The following SPATC1 variants were observed in gnomAD, a reference collection of about 807,000 sequenced individuals.
SPATC1 encodes the protein speriolin.
SPATC1 carries 35 observed loss-of-function variants against 36.5 expected under a neutral mutation model. The ratio of observed to expected loss-of-function variants is 0.96; its 90% CI spans 0.73 to 1.27. SPATC1 has a LOEUF of 1.27. Among genes scored for constraint, SPATC1 ranks in the 50% most tolerant of loss-of-function variants. SPATC1 has a pLI of 0.00. For synonymous variants in SPATC1, 361 were observed against 353.6 expected (o/e 1.02, Z -0.24); for missense variants, 779 against 796.0 (o/e 0.98, Z 0.26).
intron 1 of SPATC1, among the ~76,000 whole-genome samples, chr8:144,030,939 TTA>T (rs1834780748): frequency 6.6e-6 from 1 of 152,136 alleles, no homozygotes; most frequent in Non-Finnish European, 1.5e-5. Flanking sequence ...TCCTCCCCCT[TTA>T]TGTTATTATT....
chr8:144,026,497 C>G (rs1834680626), intron 1 of SPATC1, among the ~76,000 whole-genome samples: 2 of 152,254 alleles, frequency 1.3e-5, no homozygotes, highest in Admixed American at 1.3e-4. Flanking sequence ...TATGGTAACT[C>G]TATGTTCAAC....
chr8:144,017,010 A>C (rs1288397991), intron 1 of SPATC1, among the ~76,000 whole-genome samples: 1 of 152,118 alleles, frequency 6.6e-6, no homozygotes, highest in African/African-American at 2.4e-5. Flanking sequence ...GCTATGGGGG[A>C]AATGGATTGG....
intron 1 of SPATC1, among the ~76,000 whole-genome samples, chr8:144,026,802 T>C (rs1208697397): frequency 2.7e-5 from 4 of 149,060 alleles, no homozygotes; most frequent in Non-Finnish European, 4.4e-5. Context: ...TTAATTTCTT[T>C]CTTTTTCTTT....
chr8:144,020,049 C>A (rs1834474851), intron 1 of SPATC1, among the ~76,000 whole-genome samples: 1 of 151,928 alleles, frequency 6.6e-6, no homozygotes, highest in Non-Finnish European at 1.5e-5. Flanking sequence ...TCAGGACCTG[C>A]GAACCCCACA....
intron 1 of SPATC1, among the ~76,000 whole-genome samples, chr8:144,031,692 A>G (rs1245827287): frequency 1.7e-5 from 2 of 115,328 alleles, no homozygotes; most frequent in African/African-American, 6.4e-5. Flanking sequence ...TTCTTCAACT[A>G]TTTTTTCTTT....
At chr8:144,029,744 G>A (rs931187462) in intron 1 of SPATC1, among the ~76,000 whole-genome samples, 12 of 152,124 alleles carry the variant, frequency 7.9e-5, no homozygotes, top group Non-Finnish European at 1.5e-4. Context: ...CCTGGAGAAT[G>A]TTTCATGTTC....
intron 1 of SPATC1, among the ~76,000 whole-genome samples, chr8:144,015,568 C>T (rs1834368930): frequency 2.1e-5 from 3 of 145,984 alleles, no homozygotes; most frequent in East Asian, 4.1e-4. Context: ...ATGGTGAAAC[C>T]CCATCTCTAC....
At chr8:144,011,383 T>C (rs1188520960), upstream of SPATC1, among the ~76,000 whole-genome samples, 1 of 152,136 alleles carries the variant, frequency 6.6e-6, no homozygotes, top group African/African-American at 2.4e-5. This position sits in a 1 kb window ranked among gnomAD's most constrained non-coding sequence, Gnocchi z 4.5. Context: ...CCCCCCATTG[T>C]GAGGTCCAGG....
intron 1 of SPATC1, among the ~76,000 whole-genome samples, chr8:144,029,301 G>T (rs1467820380): frequency 6.6e-6 from 1 of 151,350 alleles, no homozygotes; most frequent in Non-Finnish European, 1.5e-5. Context: ...AGGCGCGGTA[G>T]CTCACGCCTG....
intron 1 of SPATC1, among the ~76,000 whole-genome samples, chr8:144,018,759 C>T (rs1441779685): frequency 1.3e-5 from 2 of 151,000 alleles, no homozygotes; most frequent in African/African-American, 2.4e-5. Flanking sequence ...GGGCTGGGCA[C>T]GGTGGCTCAC....
intron 1 of SPATC1, among the ~76,000 whole-genome samples, chr8:144,023,231 C>T (rs1292177936): frequency 1.7e-4 from 17 of 98,346 alleles, no homozygotes; most frequent in African/African-American, 7.0e-4. Flanking sequence ...CAGGACCTAC[C>T]CTCTTCCCTC....
At chr8:144,031,450 CTT>C (rs1176896425) in intron 1 of SPATC1, among the ~76,000 whole-genome samples, 5 of 116,688 alleles carry the variant, frequency 4.3e-5, no homozygotes, top group African/African-American at 6.4e-5. Context: ...ATTTTTTTTT[CTT>C]TTTTTTTTTT....
At chr8:144,034,143 T>G (rs1265859972) in intron 1 of SPATC1, among the ~76,000 whole-genome samples, 1 of 152,228 alleles carries the variant, frequency 6.6e-6, no homozygotes, top group Non-Finnish European at 1.5e-5. Flanking sequence ...GGCCCAGCAT[T>G]GGCCAGGGAA....
chr8:144,028,507 C>T (rs1834729596), intron 1 of SPATC1, among the ~76,000 whole-genome samples: 1 of 152,120 alleles, frequency 6.6e-6, no homozygotes, highest in African/African-American at 2.4e-5. Context: ...AATGAGATAC[C>T]ATCTCACACC....
chr8:144,023,290 A>AC (rs1201036106), intron 1 of SPATC1, among the ~76,000 whole-genome samples: 19 of 660 alleles, frequency 0.029, 9 homozygotes, highest in Non-Finnish European at 0.028. Context: ...CCACCTCAGG[A>AC]CCTCTCTCCT....
intron 1 of SPATC1, among the ~76,000 whole-genome samples, chr8:144,021,266 G>GA: frequency 6.7e-6 from 1 of 148,614 alleles, no homozygotes; most frequent in African/African-American, 2.5e-5. Context: ...CTTCCTTCAG[G>GA]ACCCCCTTCC....
chr8:144,041,398 C>A, intron 4 of SPATC1, 27 bp downstream of exon 4: 1 of 1,600,572 alleles, frequency 6.2e-7, no homozygotes, highest in Admixed American at 1.7e-5. Context: ...CCTGCAGGGA[C>A]AGGGGGCAGG....
intron 1 of SPATC1, among the ~76,000 whole-genome samples, chr8:144,027,990 CA>C (rs1298557036): frequency 2.7e-4 from 38 of 143,132 alleles, no homozygotes; most frequent in African/African-American, 2.3e-4. Flanking sequence ...GAGACTCTAT[CA>C]AAAAAAAAAA....
In SPATC1 at chr8:144,041,049, G is replaced by A. The variant is rs1554755924; in HGVS notation, c.1248G>A (p.Met416Ile). The A allele has an allele frequency of 6.2e-7, 1 of 1,607,038 alleles. No individual in the cohort carries two copies. The highest frequency in any genetic ancestry group is 1.7e-5 in the Admixed American group (1 of 58,994). The change falls in exon 3 of 5, where the codon ATG becomes ATA. Residue 416 changes from methionine (M) to isoleucine (I), a missense_variant. Met to Ile is a conservative substitution (Grantham distance 10). Coordinates refer to ENST00000377470, the MANE Select transcript of SPATC1 (RefSeq NM_198572.3). ...RTTEPSTKSM[M>I]EVERKLAHRK... ...CAGAACCGTCGACGAAGAGCATGAT[G>A]GAGGTGGAACGGAAGCTGGCCCACC...
Sources: gnomAD v4.1 joint callset for allele counts (sites outside exome capture counted in the v4.1 genomes callset) on GRCh38, gnomAD v4.1.1 for gene constraint, Gnocchi (gnomAD v3.1) non-coding constraint, MANE v1.5 for transcripts, NCBI Gene and HGNC (gene_info 2026-07-23, HGNC 2026-07-21) for gene names.